Variants in BCAS3 observed in about 807,000 individuals in gnomAD.
BCAS3 encodes the protein BCAS3 microtubule associated cell migration factor.
Under a neutral mutation model 116.1 loss-of-function variants are expected in BCAS3, and 53 were observed. The observed-to-expected ratio is 0.46, with a 90% confidence interval of 0.37 to 0.57. The LOEUF (loss-of-function observed/expected upper bound fraction) is 0.57, where lower values mean the gene tolerates loss of function less well. Ranked by LOEUF, BCAS3 falls within the 20% of genes least tolerant of loss-of-function variation. The pLI is 0.00. For synonymous variants in BCAS3, 391 were observed against 408.2 expected (o/e 0.96, Z 0.51); for missense variants, 917 against 1,165.4 (o/e 0.79, Z 3.10).
chr17:60,841,546 A>ATTTTTTTTTTTTTTTTTTTTT (rs754447784), intron 7 of BCAS3, among the ~76,000 whole-genome samples: 6 of 123,488 alleles, frequency 4.9e-5, no homozygotes, highest in African/African-American at 2.1e-4. Context: ...CACCTGGCTA[A>ATTTTTTTTTTTTTTTTTTTTT]TTTTTTTTTT....
chr17:60,770,202 G>A (rs1476634530), intron 6 of BCAS3, among the ~76,000 whole-genome samples: 1 of 151,944 alleles, frequency 6.6e-6, no homozygotes, highest in Non-Finnish European at 1.5e-5. Flanking sequence ...TAGTCTTGAG[G>A]CCTGTATGGG....
chr17:60,678,690 A>AT (rs2143775857), intron 1 of BCAS3, among the ~76,000 whole-genome samples: 1 of 152,260 alleles, frequency 6.6e-6, no homozygotes, highest in East Asian at 1.9e-4. Context: ...TTAAATTGTG[A>AT]TTTACTCATA....
At chr17:60,743,290 G>A (rs2041750345) in intron 5 of BCAS3, among the ~76,000 whole-genome samples, 1 of 152,074 alleles carries the variant, frequency 6.6e-6, no homozygotes, top group Non-Finnish European at 1.5e-5. Context: ...AGATGAACAA[G>A]TAGAACTTAA....
At chr17:60,780,688 C>T (rs574884877) in intron 6 of BCAS3, among the ~76,000 whole-genome samples, 34 of 152,224 alleles carry the variant, frequency 2.2e-4, no homozygotes, top group African/African-American at 7.2e-4. Flanking sequence ...CCTCTTGATA[C>T]GAATTTTTGA....
rs1284715626 is a variant in BCAS3 at position 61,348,019 on chromosome 17, CA to C, written c.2426-20307del. Among the ~76,000 whole-genome samples, 3 of 152,176 alleles carry C rather than the reference CA, an allele frequency of 2.0e-5. No individual in the cohort carries two copies. Among genetic ancestry groups the C allele is most frequent in the African/African-American group, 7.2e-5 (3 of 41,432 alleles). ...GATTCACATTGTAGAAAAGGTCACC[CA>C]GGTGGCACTAGGAAGAATGAATTGA... On this transcript the variant is annotated intron_variant, in intron 22 of 23. Coordinates refer to ENST00000407086, the MANE Select transcript of BCAS3 (RefSeq NM_017679.5). The surrounding 1 kb of genome is among the most constrained non-coding windows in gnomAD (Gnocchi z 4.5).
At chr17:60,984,033 A>G (rs1165777660) in intron 14 of BCAS3, among the ~76,000 whole-genome samples, 1 of 152,204 alleles carries the variant, frequency 6.6e-6, no homozygotes, top group Non-Finnish European at 1.5e-5. Context: ...GAGGTTAAAC[A>G]CTTCTGGAAT....
chr17:60,939,415 G>T (rs969456091), intron 13 of BCAS3, among the ~76,000 whole-genome samples: 3 of 151,968 alleles, frequency 2.0e-5, no homozygotes, highest in African/African-American at 7.3e-5. Context: ...CTGGTTGACA[G>T]ATCAAGACTC....
At chr17:61,155,729 A>T (rs1401104615) in intron 22 of BCAS3, among the ~76,000 whole-genome samples, 1 of 152,302 alleles carries the variant, frequency 6.6e-6, no homozygotes, top group African/African-American at 2.4e-5. Context: ...GCATTATGGA[A>T]ATCAGCAAAT....
intron 5 of BCAS3, among the ~76,000 whole-genome samples, chr17:60,739,901 A>G (rs1187588203): frequency 2.6e-5 from 4 of 150,972 alleles, no homozygotes; most frequent in African/African-American, 9.8e-5. Flanking sequence ...TTTTCCACAC[A>G]ACACTCTAAG....
intron 6 of BCAS3, among the ~76,000 whole-genome samples, chr17:60,798,185 C>T (rs2047386874): frequency 1.3e-5 from 2 of 152,150 alleles, no homozygotes; most frequent in Admixed American, 6.5e-5. Context: ...CCCCAAAGTC[C>T]CTAATTGACA....
At position 61,228,134 on chromosome 17, in the gene BCAS3, C is replaced by T. The variant is rs1568616029; in HGVS notation, c.2426-140193C>T. On this transcript the variant is annotated intron_variant, in intron 22 of 23. Coordinates refer to ENST00000407086, the MANE Select transcript of BCAS3 (RefSeq NM_017679.5). The surrounding 1 kb of genome is among the most constrained non-coding windows in gnomAD (Gnocchi z 5.0). ...TAGAAACCAGCAGTAGGACCTTCCT[C>T]AATTTTCAGCAAGTAGGACTCCTTA... Among the ~76,000 whole-genome samples the T allele has an allele frequency of 6.6e-6, 1 of 152,184 alleles. No homozygotes were observed. The highest frequency in any genetic ancestry group is 1.5e-5 in the Non-Finnish European group (1 of 68,034).
Position 61,186,704 on chromosome 17 carries a change from A to G in BCAS3, c.2425+102140A>G, listed in dbSNP as rs2079795734. Among the ~76,000 whole-genome samples, 1 of 151,778 alleles carries G rather than the reference A, an allele frequency of 6.6e-6. No homozygotes were observed. Among genetic ancestry groups the G allele is most frequent in the African/African-American group, 2.4e-5 (1 of 41,334 alleles). ...CAGTTTCTCTGTTTAGAGGCCACCA[A>G]TATTAACAGTTGTTTTTTTTTTTTG... On this transcript the variant is annotated intron_variant, in intron 22 of 23. Transcript: ENST00000407086. This position sits in a 1 kb window ranked among gnomAD's most constrained non-coding sequence, Gnocchi z 4.9.
chr17:61,036,742 A>C (rs1227381154), intron 17 of BCAS3, among the ~76,000 whole-genome samples: 1 of 152,182 alleles, frequency 6.6e-6, no homozygotes, highest in Non-Finnish European at 1.5e-5. Context: ...GCTAGTGGGT[A>C]CATGTGTATT....
At chr17:60,778,450 T>C (rs1342847394) in intron 6 of BCAS3, among the ~76,000 whole-genome samples, 1 of 152,240 alleles carries the variant, frequency 6.6e-6, no homozygotes, top group Non-Finnish European at 1.5e-5. Flanking sequence ...AATTATTTTC[T>C]GTAATTGAAT....
Position 60,962,469 on chromosome 17 carries a change from C to G in BCAS3, c.1221+15117C>G, listed in dbSNP as rs184990817. 1.3e-5 allele frequency among the ~76,000 whole-genome samples: 2 copies of G among 151,966 alleles called. No individual in the cohort carries two copies. Among genetic ancestry groups the G allele is most frequent in the African/African-American group, 4.8e-5 (2 of 41,380 alleles). On this transcript the variant is annotated intron_variant, in intron 14 of 23. Coordinates refer to ENST00000407086, the MANE Select transcript of BCAS3 (RefSeq NM_017679.5). The surrounding 1 kb of genome is among the most constrained non-coding windows in gnomAD (Gnocchi z 4.4). ...CATTTTTTTTCATATACCTATTGGC[C>G]ATTTGCATGTCTTCTTTTGAGAAAT...
chr17:60,833,712 G>A (rs2051134003), intron 7 of BCAS3, among the ~76,000 whole-genome samples: 1 of 152,080 alleles, frequency 6.6e-6, no homozygotes, highest in South Asian at 2.1e-4. Flanking sequence ...TTTAATCAGT[G>A]GTAAGGCACT....
At chr17:60,703,539 C>G (rs1425749278) in intron 4 of BCAS3, among the ~76,000 whole-genome samples, 1 of 150,590 alleles carries the variant, frequency 6.6e-6, no homozygotes, top group Non-Finnish European at 1.5e-5. Flanking sequence ...TCAGCCTGGG[C>G]AATGGGAGTG....
chr17:61,231,293 GTTGAT>G (rs869162569), intron 22 of BCAS3, among the ~76,000 whole-genome samples: 74 of 152,042 alleles, frequency 4.9e-4, no homozygotes, highest in African/African-American at 1.7e-3. Context: ...TTTTTTGCTT[GTTGAT>G]TTAAGTTTCT....
At position 61,106,659 on chromosome 17, in the gene BCAS3, G is replaced by C. The variant is rs1042806666; in HGVS notation, c.2425+22095G>C. 6.6e-6 allele frequency among the ~76,000 whole-genome samples: 1 copy of C among 152,122 alleles called. No individual in the cohort carries two copies. Among genetic ancestry groups the C allele is most frequent in the African/African-American group, 2.4e-5 (1 of 41,422 alleles). ...GAACGTATCCCCATAGATAAGGAGC[G>C]GGGGACAGTTGTAGAATAAATTATA... On this transcript the variant is annotated intron_variant, in intron 22 of 23. Coordinates refer to ENST00000407086, the MANE Select transcript of BCAS3 (RefSeq NM_017679.5). This position sits in a 1 kb window ranked among gnomAD's most constrained non-coding sequence, Gnocchi z 4.2.
Sources: gnomAD v4.1 joint callset for allele counts (sites outside exome capture counted in the v4.1 genomes callset) on GRCh38, gnomAD v4.1.1 for gene constraint, Gnocchi (gnomAD v3.1) non-coding constraint, MANE v1.5 for transcripts, NCBI Gene and HGNC (gene_info 2026-07-23, HGNC 2026-07-21) for gene names.